The following APBB2 variants were observed in gnomAD, a reference collection of about 807,000 sequenced individuals.
APBB2 encodes amyloid beta precursor protein binding family B member 2.
A neutral mutation model predicts 82.5 loss-of-function variants in APBB2; 38 were observed. The ratio of observed to expected loss-of-function variants is 0.46; its 90% CI spans 0.36 to 0.60. APBB2 has a LOEUF of 0.60. Ranked by LOEUF, APBB2 falls within the 20% of genes least tolerant of loss-of-function variation. APBB2 has a pLI of 0.00. For missense variants in APBB2, 772 were observed against 972.3 expected (o/e 0.79, Z 2.74); for synonymous variants, 341 against 368.2 (o/e 0.93, Z 0.85).
intron 1 of APBB2, among the ~76,000 whole-genome samples, chr4:41,156,165 T>C: frequency 6.7e-6 from 1 of 150,310 alleles, no homozygotes; most frequent in African/African-American, 2.4e-5. Flanking sequence ...AGCAAAACCC[T>C]CTACTAGAAA....
chr4:40,845,599 A>AC (rs1553935500), intron 12 of APBB2, among the ~76,000 whole-genome samples: 5 of 147,952 alleles, frequency 3.4e-5, no homozygotes, highest in Admixed American at 6.7e-5. Context: ...AAAAAAAAAA[A>AC]AAAAAAAAAA....
At chr4:40,936,908 T>C (rs951034551) in intron 7 of APBB2, among the ~76,000 whole-genome samples, 11 of 152,178 alleles carry the variant, frequency 7.2e-5, no homozygotes, top group African/African-American at 1.4e-4. Context: ...GTTTTGTACA[T>C]GTACATTTTC....
At position 41,212,853 on chromosome 4, in the gene APBB2, T is replaced by C. The variant is rs1001158105; in HGVS notation, c.-417+1552A>G. Among the ~76,000 whole-genome samples the C allele has an allele frequency of 7.8e-4, 118 of 152,178 alleles. 1 individual carries two copies. Among genetic ancestry groups the C allele is most frequent in the African/African-American group, 2.5e-3 (103 of 41,438 alleles). Reference sequence around the variant, plus strand: ...TTCCCCATTCTCGCCACAAATACCATCCTTCACGAACGATGCCATTTCTAG... The same window carrying C: ...TTCCCCATTCTCGCCACAAATACCACCCTTCACGAACGATGCCATTTCTAG... On this transcript the variant is annotated intron_variant, in intron 1 of 17. Transcript: ENST00000508593.
At chr4:41,189,231 A>G (rs1773753787) in intron 1 of APBB2, among the ~76,000 whole-genome samples, 1 of 152,174 alleles carries the variant, frequency 6.6e-6, no homozygotes, top group Admixed American at 6.5e-5. Flanking sequence ...AACAACGTGG[A>G]TGGTTGCACA....
At chr4:40,977,838 T>TAA (rs1797568213) in intron 6 of APBB2, among the ~76,000 whole-genome samples, 1 of 152,194 alleles carries the variant, frequency 6.6e-6, no homozygotes, top group Admixed American at 6.5e-5. Flanking sequence ...TCAAAGAGCC[T>TAA]TAGTTCTAAT....
At chr4:41,117,995 GC>G (rs1751600352) in intron 2 of APBB2, 2 of 151,894 alleles carry the variant, frequency 1.3e-5, no homozygotes, top group African/African-American at 4.8e-5. Flanking sequence ...ACTCACATGA[GC>G]CCTGGAGTTC....
intron 12 of APBB2, among the ~76,000 whole-genome samples, chr4:40,878,468 C>A (rs140705139): frequency 1.3e-5 from 2 of 152,308 alleles, no homozygotes; most frequent in Non-Finnish European, 2.9e-5. Context: ...TCCTCCCCAT[C>A]ACGTTACCTG....
intron 1 of APBB2, chr4:41,177,702 G>A (rs1213699114): frequency 3.3e-5 from 5 of 152,162 alleles, no homozygotes; most frequent in Non-Finnish European, 7.3e-5. Flanking sequence ...TGTAAAATGA[G>A]GACAATATGG....
chr4:41,198,652 G>A, intron 1 of APBB2, among the ~76,000 whole-genome samples: 6 of 152,182 alleles, frequency 3.9e-5, no homozygotes, highest in African/African-American at 1.4e-4. Flanking sequence ...TAAGTGTCCT[G>A]TGGCTGCTGT....
chr4:41,041,593 T>G (rs1341620505), intron 4 of APBB2, among the ~76,000 whole-genome samples: 1 of 152,214 alleles, frequency 6.6e-6, no homozygotes, highest in Non-Finnish European at 1.5e-5. Context: ...ATTTACCACT[T>G]ATATAGTCTA....
At chr4:41,001,898 A>G (rs1251805844) in intron 6 of APBB2, among the ~76,000 whole-genome samples, 1 of 151,918 alleles carries the variant, frequency 6.6e-6, no homozygotes, top group East Asian at 1.9e-4. Context: ...AAAGAAAAAG[A>G]AAAAGAAAAA....
chr4:40,942,039 C>T (rs930946544), intron 7 of APBB2, among the ~76,000 whole-genome samples: 4 of 152,170 alleles, frequency 2.6e-5, no homozygotes, highest in African/African-American at 9.7e-5. Context: ...ACAGGGTCTG[C>T]ACATCAGCGT....
chr4:41,033,139 T>G, intron 5 of APBB2, 97 bp downstream of exon 5: 1 of 847,446 alleles, frequency 1.2e-6, no homozygotes, highest in Admixed American at 2.5e-5. Flanking sequence ...AACATGTTAT[T>G]TTAGCAAATC....
intron 4 of APBB2, among the ~76,000 whole-genome samples, chr4:41,050,090 C>T (rs991923954): frequency 6.6e-6 from 1 of 151,230 alleles, no homozygotes; most frequent in East Asian, 1.9e-4. Context: ...TCCCCCTCTG[C>T]GAGAAACACC....
At chr4:41,000,834 G>A (rs930567757) in intron 6 of APBB2, among the ~76,000 whole-genome samples, 6 of 152,024 alleles carry the variant, frequency 3.9e-5, no homozygotes, top group African/African-American at 1.4e-4. Context: ...TCTCTAACTT[G>A]GGGCCCTTGT....
At chr4:41,150,172 A>G (rs1003620422) in intron 1 of APBB2, among the ~76,000 whole-genome samples, 2 of 152,186 alleles carry the variant, frequency 1.3e-5, no homozygotes, top group Admixed American at 1.3e-4. Flanking sequence ...AAAGTATTGG[A>G]ATATTTTTAT....
chr4:41,096,496 G>GA (rs1368495030), intron 3 of APBB2, among the ~76,000 whole-genome samples: 1 of 151,718 alleles, frequency 6.6e-6, no homozygotes, highest in Non-Finnish European at 1.5e-5. Flanking sequence ...TATTCTACTA[G>GA]AAAAAAAATG....
intron 7 of APBB2, among the ~76,000 whole-genome samples, chr4:40,941,044 G>C (rs1786759764): frequency 6.6e-6 from 1 of 152,134 alleles, no homozygotes; most frequent in Non-Finnish European, 1.5e-5. Flanking sequence ...AGTGAACTTT[G>C]GAATGTGAAA....
chr4:40,936,824 G>A (rs892397429), intron 7 of APBB2, among the ~76,000 whole-genome samples: 1 of 152,154 alleles, frequency 6.6e-6, no homozygotes, highest in South Asian at 2.1e-4. Context: ...TCTTTATGAA[G>A]AGAAAATTAA....
Sources: allele counts gnomAD v4.1 joint callset (sites outside exome capture counted in the v4.1 genomes callset), GRCh38; gene constraint gnomAD v4.1.1; transcripts MANE v1.5; gene names NCBI Gene and HGNC (gene_info 2026-07-23, HGNC 2026-07-21).